Variants in PHC3 observed in about 807,000 individuals in gnomAD.
PHC3 encodes polyhomeotic homolog 3, also known as polyhomeotic-like protein 3.
PHC3 carries 13 observed loss-of-function variants against 107.4 expected under a neutral mutation model. The ratio of observed to expected loss-of-function variants is 0.12; its 90% CI spans 0.08 to 0.19. PHC3 has a LOEUF of 0.19. PHC3 is among the 10% of genes least tolerant of loss of function. The pLI, the probability that PHC3 is intolerant of heterozygous loss-of-function variation, is 1.00. For synonymous variants in PHC3, 456 were observed against 427.4 expected, an observed-to-expected ratio of 1.07 and a Z score of -0.83; for missense variants, 992 against 1,210.9, an observed-to-expected ratio of 0.82 and a Z score of 2.68.
intron 11 of PHC3, among the ~76,000 whole-genome samples, chr3:170,108,820 T>C (rs1717070261): frequency 6.6e-6 from 1 of 152,208 alleles, no homozygotes; most frequent in South Asian, 2.1e-4. Context: ...AGGAACAGGA[T>C]ATGCTAAAAG....
At position 170,117,321 on chromosome 3, in the gene PHC3, T is replaced by C. The variant is rs529062268; in HGVS notation, c.2098A>G (p.Ile700Val). 4 of 1,613,974 alleles carry C rather than the reference T, an allele frequency of 2.5e-6. No homozygotes were observed. In the East Asian group the frequency reaches 6.7e-5, roughly 27 times the overall value. ...STSMHSSIPS[I>V]ENKPPQAIVK... is the part of the protein sequence containing the mutation. Reference sequence around the variant, plus strand: ...ATAGCCTGTGGAGGTTTGTTCTCTATACTGGGAATGCTACTGTGCATAGAT... The same window carrying C: ...ATAGCCTGTGGAGGTTTGTTCTCTACACTGGGAATGCTACTGTGCATAGAT... Residue 700 changes from isoleucine to valine, a missense_variant, in exon 10 of 15, where the codon ATA becomes GTA. By Grantham distance (29) the Ile-to-Val change is conservative (BLOSUM62 3). Around this residue, in one of 6 missense-constraint regions of PHC3, gnomAD observed 543 missense variants for 590.8 expected, o/e 0.92. Transcript: ENST00000495893.
chr3:170,133,543 T>C (rs1367168011), intron 7 of PHC3, among the ~76,000 whole-genome samples: 2 of 152,192 alleles, frequency 1.3e-5, no homozygotes, highest in East Asian at 1.9e-4. Context: ...ATAGCCTTAA[T>C]AGAAGATATG....
chr3:170,146,843 C>T (rs79112585), intron 5 of PHC3, among the ~76,000 whole-genome samples: 1 of 138,062 alleles, frequency 7.2e-6, no homozygotes, highest in African/African-American at 2.7e-5. Flanking sequence ...CAATTTTTTT[C>T]AATATTCAAA....
intron 8 of PHC3, chr3:170,126,139 C>G (rs945774318): frequency 3.6e-5 from 7 of 193,848 alleles, no homozygotes; most frequent in African/African-American, 1.7e-4. Flanking sequence ...TCACCCTTAT[C>G]TTTCAAATTT....
intron 11 of PHC3, among the ~76,000 whole-genome samples, chr3:170,108,188 A>G (rs574427697): frequency 8.7e-4 from 133 of 152,300 alleles, no homozygotes; most frequent in African/African-American, 2.8e-3. Flanking sequence ...ACTGAAAAGC[A>G]TTTTACTAAC....
rs141073664 is a variant in PHC3, at chr3:170,138,965, T to C, written c.673-2300A>G. 5.0e-4 allele frequency among the ~76,000 whole-genome samples: 75 copies of C among 150,188 alleles called. 1 individual carries two copies. The East Asian group carries it at 0.014, about 28-fold the overall frequency. ...TGTCTTTTGAAGCCAAACCCATTCT[T>C]CCAAGCCCAGTAAAATCCCTCTTTC... is the stretch of plus-strand genomic sequence containing the variant. On this transcript the variant is annotated intron_variant, in intron 6 of 14. Transcript: ENST00000495893.
At position 170,136,593 on chromosome 3, in the gene PHC3, T is replaced by A. The variant is rs575076702; in HGVS notation, c.745A>T (p.Thr249Ser). 1.4e-5 allele frequency: 23 copies of A among 1,613,858 alleles called. No homozygotes were observed. In the Admixed American group the frequency reaches 3.7e-4, roughly 26 times the overall value. ...SSSQNGPPKS[T>S]SQTQSLTICH... ...ATTGTCAATGACTGAGTTTGACTAG[T>A]GCTTTTTGGTGGACCATTCTGTGAG... Residue 249 changes from threonine (T) to serine (S), a missense_variant, in exon 7 of 15, where the codon ACT becomes TCT. Physicochemically the swap from Thr to Ser is moderately conservative, Grantham distance 58. This residue lies in a region of PHC3 where 543 missense variants were observed against 590.8 expected (regional missense o/e 0.92). Transcript: ENST00000495893.
chr3:170,126,130 C>T, intron 8 of PHC3: 1 of 211,210 alleles, frequency 4.7e-6, no homozygotes, highest in Non-Finnish European at 8.2e-6. Context: ...TTTGAAAATT[C>T]ACCCTTATCT....
At chr3:170,169,359 C>T (rs1030827256) in intron 4 of PHC3, among the ~76,000 whole-genome samples, 1 of 152,146 alleles carries the variant, frequency 6.6e-6, no homozygotes, top group Admixed American at 6.6e-5. Flanking sequence ...TACCTGATGG[C>T]TCATTATCAT....
Position 170,093,538 on chromosome 3 carries a change from A to G in PHC3, c.*3692T>C, listed in dbSNP as rs555622313. 5 of 152,324 alleles carry G rather than the reference A, an allele frequency of 3.3e-5. No homozygotes were observed. In the South Asian group the frequency reaches 8.3e-4, roughly 25 times the overall value. The allele number at this position is 152,324 out of a possible 1,614,324, so 9.4% of individuals were successfully genotyped here. On this transcript the variant is annotated 3_prime_UTR_variant, in exon 15 of 15. Transcript: ENST00000495893. ...CACTCACATACATCTATAATAGTGT[A>G]TTCTTTCAAAAATTGTTTATACACA...
Position 170,102,888 on chromosome 3 carries a change from G to A in PHC3, c.2515C>T (p.Arg839Cys), listed in dbSNP as rs1576961531. The change falls in exon 13 of 15, where the codon CGT becomes TGT. Residue 839 changes from arginine (R) to cysteine (C), a missense_variant. By Grantham distance (180) the Arg-to-Cys change is radical. This residue lies in a region of PHC3 where 228 missense variants were observed against 288.8 expected (regional missense o/e 0.79). Coordinates refer to ENST00000495893, the MANE Select transcript of PHC3 (RefSeq NM_024947.4). Reference protein sequence around the residue: ...SKKFALSRWNRKPDNQSLGHR... With the variant: ...SKKFALSRWNCKPDNQSLGHR... ...CCAAGACTTTGATTATCAGGCTTAC[G>A]ATTCCAACGACTAAGTGCAAATTTT... 5 of 1,613,592 alleles carry A rather than the reference G, an allele frequency of 3.1e-6. No individual in the cohort carries two copies. The highest frequency in any genetic ancestry group is 1.1e-5 in the South Asian group (1 of 91,076).
At chr3:170,139,233 T>C (rs1369754730) in intron 6 of PHC3, among the ~76,000 whole-genome samples, 3 of 152,198 alleles carry the variant, frequency 2.0e-5, no homozygotes, top group Non-Finnish European at 4.4e-5. Context: ...TGAGGTATTC[T>C]CCTATATATG....
At chr3:170,136,387 T>TA in intron 7 of PHC3, 32 bp downstream of exon 7, 1 of 1,611,750 alleles carries the variant, frequency 6.2e-7, no homozygotes, top group Non-Finnish European at 8.5e-7. Flanking sequence ...AAATGAATAA[T>TA]ACAACTATTT....
At chr3:170,154,705 A>G (rs570904349) in intron 4 of PHC3, among the ~76,000 whole-genome samples, 18 of 152,220 alleles carry the variant, frequency 1.2e-4, no homozygotes, top group Non-Finnish European at 2.1e-4. Context: ...TCAAAGAACA[A>G]GTGTTGTGTT....
intron 14 of PHC3, among the ~76,000 whole-genome samples, chr3:170,098,727 TC>T (rs1399048152): frequency 2.6e-5 from 4 of 152,192 alleles, no homozygotes; most frequent in African/African-American, 9.6e-5. Context: ...TCTCACGTCC[TC>T]TGTTACTTGT....
intron 4 of PHC3, among the ~76,000 whole-genome samples, chr3:170,153,221 G>C (rs1041745445): frequency 2.0e-5 from 3 of 152,100 alleles, no homozygotes; most frequent in African/African-American, 7.2e-5. Flanking sequence ...ACAGTATCTG[G>C]AAGTCATCCT....
intron 4 of PHC3, among the ~76,000 whole-genome samples, chr3:170,158,400 G>T (rs957617048): frequency 2.0e-5 from 3 of 151,798 alleles, no homozygotes; most frequent in South Asian, 2.1e-4. Context: ...TCAGAAGTTC[G>T]AAACCAGCCT....
chr3:170,129,651 T>A (rs1005510359), intron 7 of PHC3, 99 bp from the exon 8 acceptor site: 1 of 1,188,920 alleles, frequency 8.4e-7, no homozygotes, highest in African/African-American at 1.5e-5. Flanking sequence ...AAGGTCATAA[T>A]CATCAGAATT....
chr3:170,159,251 C>CAAAAAAAAAAAAAAAAAAAAAAAAA (rs1278767405), intron 4 of PHC3, among the ~76,000 whole-genome samples: 1 of 69,566 alleles, frequency 1.4e-5, no homozygotes. Context: ...GACTCGGTCT[C>CAAAAAAAAAAAAAAAAAAAAAAAAA]AAAAAAAAAA....
Sources: allele counts gnomAD v4.1 joint callset (sites outside exome capture counted in the v4.1 genomes callset), GRCh38; gene constraint gnomAD v4.1.1; regional missense constraint gnomAD v4.1.1; transcripts MANE v1.5; gene names NCBI Gene and HGNC (gene_info 2026-07-23, HGNC 2026-07-21).